LINGO2: variants seen among roughly 807,000 people sequenced by gnomAD.
LINGO2 encodes leucine-rich repeat and immunoglobulin-like domain-containing nogo receptor-interacting protein 2.
A neutral mutation model predicts 30.6 loss-of-function variants in LINGO2; 14 were observed. The observed-to-expected ratio is 0.46, with a 90% confidence interval of 0.30 to 0.72. LINGO2 has a LOEUF of 0.72. Ranked by LOEUF, LINGO2 falls within the 30% of genes least tolerant of loss-of-function variation. The probability of loss-of-function intolerance (pLI) is 0.07; values close to 1 mark genes in which losing one functional copy is unlikely to be tolerated. For synonymous variants in LINGO2, 317 were observed against 288.5 expected, an observed-to-expected ratio of 1.10 and a Z score of -1.00; for missense variants, 729 against 751.7, an observed-to-expected ratio of 0.97 and a Z score of 0.35.
chr9:28,404,614 T>A (rs1384499186), intron 2 of LINGO2, among the ~76,000 whole-genome samples: 1 of 152,186 alleles, frequency 6.6e-6, no homozygotes, highest in African/African-American at 2.4e-5. Context: ...AGTGAGAGGC[T>A]AAATGTTGCC....
chr9:28,185,306 G>A (rs1819502357), intron 4 of LINGO2, among the ~76,000 whole-genome samples: 2 of 152,112 alleles, frequency 1.3e-5, no homozygotes, highest in African/African-American at 4.8e-5. Context: ...TGTTTAAAGT[G>A]TCCTTATGTT....
chr9:28,596,887 T>C (rs1409282121), intron 1 of LINGO2, among the ~76,000 whole-genome samples: 1 of 152,170 alleles, frequency 6.6e-6, no homozygotes, highest in Non-Finnish European at 1.5e-5. Context: ...GCCTGTCTTA[T>C]CCAGGCACCC....
At chr9:28,337,871 G>C (rs1825640920) in intron 3 of LINGO2, among the ~76,000 whole-genome samples, 1 of 152,120 alleles carries the variant, frequency 6.6e-6, no homozygotes. Context: ...CTGCAGGGGT[G>C]GGGCCCTCAT....
At chr9:28,014,839 C>G (rs1228414351) in intron 4 of LINGO2, among the ~76,000 whole-genome samples, 4 of 152,116 alleles carry the variant, frequency 2.6e-5, no homozygotes, top group African/African-American at 9.7e-5. Flanking sequence ...AAAAAAGTGA[C>G]TACTACCTCA....
At chr9:28,782,420 G>A in the LINGO2 span, among the ~76,000 whole-genome samples, 2 of 152,184 alleles carry the variant, frequency 1.3e-5, no homozygotes, top group African/African-American at 4.8e-5. Context: ...TGCTGAGGAT[G>A]CAAGGGGTGA....
intron 5 of LINGO2, among the ~76,000 whole-genome samples, chr9:27,962,485 G>C (rs971748310): frequency 1.3e-5 from 2 of 152,048 alleles, no homozygotes; most frequent in East Asian, 3.9e-4. Flanking sequence ...CAAAAAGAAG[G>C]GTGGATAAGC....
intron 4 of LINGO2, among the ~76,000 whole-genome samples, chr9:28,179,424 G>GTATACTATACTATATATAGTATACA (rs1828842340): frequency 7.6e-6 from 1 of 130,748 alleles, no homozygotes; most frequent in Non-Finnish European, 1.6e-5. Context: ...CTATATGTAT[G>GTATACTATACTATATATAGTATACA]TATACTATAC....
intron 4 of LINGO2, among the ~76,000 whole-genome samples, chr9:28,259,995 A>G (rs1822509827): frequency 6.6e-6 from 1 of 151,868 alleles, no homozygotes; most frequent in Non-Finnish European, 1.5e-5. Flanking sequence ...GGATGTCAGC[A>G]ATATTGTGCC....
chr9:28,246,083 G>A (rs915803400), intron 4 of LINGO2, among the ~76,000 whole-genome samples: 1 of 152,114 alleles, frequency 6.6e-6, no homozygotes, highest in African/African-American at 2.4e-5. Context: ...CTATGGTACT[G>A]GTACCAAAAC....
the LINGO2 span, among the ~76,000 whole-genome samples, chr9:29,127,595 C>T: frequency 3.5e-4 from 53 of 152,154 alleles, no homozygotes; most frequent in African/African-American, 1.1e-3. Flanking sequence ...TCATCAGGTT[C>T]GGGTGAGGGA....
At chr9:28,117,880 TA>T (rs1189042248) in intron 4 of LINGO2, among the ~76,000 whole-genome samples, 9 of 152,146 alleles carry the variant, frequency 5.9e-5, no homozygotes, top group Admixed American at 3.3e-4. Context: ...AATAAATGTT[TA>T]TTAAAAAGAC....
In LINGO2 at chr9:28,200,487, G is replaced by T. The variant is rs550454151; in HGVS notation, c.-87+94721C>A. On this transcript the variant is annotated intron_variant, in intron 4 of 5. Coordinates refer to ENST00000379992, the Ensembl canonical transcript of LINGO2. The stretch of plus-strand genomic sequence containing the variant: ...TAGAGCAATCCTTTGGGTAAAGCAG[G>T]TATAGTTCTCTTAAGGAAAAAAAAA... Among the ~76,000 whole-genome samples the T allele has an allele frequency of 2.2e-4, 34 of 151,666 alleles. 1 individual carries two copies. In the Middle Eastern group the frequency reaches 0.01, roughly 46 times the overall value.
chr9:28,048,824 A>G (rs1824540572), intron 4 of LINGO2, among the ~76,000 whole-genome samples: 1 of 150,590 alleles, frequency 6.6e-6, no homozygotes, highest in South Asian at 2.1e-4. Flanking sequence ...ATCGATGAAA[A>G]TAGCAACATA....
chr9:28,350,906 A>T (rs1360472388), intron 3 of LINGO2, among the ~76,000 whole-genome samples: 5 of 152,254 alleles, frequency 3.3e-5, no homozygotes, highest in Admixed American at 2.6e-4. Context: ...ACTACTGGGT[A>T]CATAATGAAA....
At position 28,393,777 on chromosome 9, in the gene LINGO2, A is replaced by G. The variant is rs1414702915; in HGVS notation, c.-278-20909T>C. 5.9e-5 allele frequency among the ~76,000 whole-genome samples: 9 copies of G among 152,302 alleles called. No homozygotes were observed. The East Asian group carries it at 1.5e-3, about 26-fold the overall frequency. On this transcript the variant is annotated intron_variant, in intron 2 of 5. Coordinates refer to ENST00000379992, the Ensembl canonical transcript of LINGO2. ...CTTTCTTCAGAGTTTGGTCTGCCCC[A>G]GTATAGCAGGGCAGGTCAAAGGTGC...
chr9:28,230,859 A>T (rs746541101), intron 4 of LINGO2, among the ~76,000 whole-genome samples: 8 of 151,886 alleles, frequency 5.3e-5, no homozygotes, highest in Non-Finnish European at 1.0e-4. Context: ...ATGTTTTATA[A>T]ATGTTGACGT....
the LINGO2 span, among the ~76,000 whole-genome samples, chr9:29,108,602 T>G: frequency 9.9e-5 from 15 of 152,200 alleles, no homozygotes; most frequent in African/African-American, 3.4e-4. Context: ...ATACATTACT[T>G]TGGTAAATAT....
chr9:29,036,145 A>G, the LINGO2 span, among the ~76,000 whole-genome samples: 1 of 152,216 alleles, frequency 6.6e-6, no homozygotes, highest in Non-Finnish European at 1.5e-5. Flanking sequence ...CATTAGTGTT[A>G]ATTTATCAAT....
chr9:27,954,312 A>AG (rs1421493754), intron 5 of LINGO2, among the ~76,000 whole-genome samples: 3 of 152,148 alleles, frequency 2.0e-5, no homozygotes, highest in Non-Finnish European at 4.4e-5. Context: ...GTACGTTGGT[A>AG]TCCATTAACA....
Sources: gnomAD v4.1 joint callset for allele counts (sites outside exome capture counted in the v4.1 genomes callset) on GRCh38, gnomAD v4.1.1 for gene constraint, MANE v1.5 for transcripts, NCBI Gene and HGNC (gene_info 2026-07-23, HGNC 2026-07-21) for gene names.